CACTIN: variants seen among roughly 807,000 people sequenced by gnomAD.
CACTIN encodes the protein splicing factor Cactin.
A neutral mutation model predicts 84.9 loss-of-function variants in CACTIN; 20 were observed. The ratio of observed to expected loss-of-function variants is 0.24; its 90% CI spans 0.17 to 0.34. The LOEUF is 0.34. CACTIN is among the 10% of genes least tolerant of loss of function. The probability of loss-of-function intolerance (pLI) is 1.00; values close to 1 mark genes in which losing one functional copy is unlikely to be tolerated. For synonymous variants in CACTIN, 549 were observed against 467.9 expected (o/e 1.17, Z -2.24); for missense variants, 897 against 1,117.2 (o/e 0.80, Z 2.81).
chr19:3,621,767 G>A (rs1482393009), intron 2 of CACTIN, among the ~76,000 whole-genome samples: 1 of 152,220 alleles, frequency 6.6e-6, no homozygotes, highest in Non-Finnish European at 1.5e-5. Context: ...AAGAGGGGAT[G>A]TGTCAGTTGA....
Position 3,620,755 on chromosome 19 carries a change from C to T in CACTIN, c.690G>A (p.Lys230=), listed in dbSNP as rs1401544435. 3.7e-6 allele frequency: 6 copies of T among 1,613,504 alleles called. No individual in the cohort carries two copies. The highest frequency in any genetic ancestry group is 1.1e-5 in the South Asian group (1 of 91,088). ...CCTCCTGGATCCTCTTGTTCCGCTC[C>T]TTCAGCTCCTTCTCCTCCAGGTGGC... is the stretch of plus-strand genomic sequence containing the variant. ...GISHLEEKEL[K]ERNKRIQEDN... is the part of the protein sequence containing the mutation. Residue 230 remains lysine, a synonymous_variant, in exon 3 of 10, where the codon AAG becomes AAA. Transcript: ENST00000429344.
At chr19:3,618,763 G>A in intron 6 of CACTIN, 112 bp downstream of exon 6, 1 of 864,238 alleles carries the variant, frequency 1.2e-6, no homozygotes, top group Non-Finnish European at 1.8e-6. Context: ...GCCCCAGTTG[G>A]GGAAACCGAG....
rs764248234 is a variant in CACTIN at position 3,620,227 on chromosome 19, C to G, written c.784G>C (p.Glu262Gln). 6.3e-7 allele frequency: 1 copy of G among 1,598,954 alleles called. No individual in the cohort carries two copies. The highest frequency in any genetic ancestry group is 8.5e-7 in the Non-Finnish European group (1 of 1,175,660). Residue 262 changes from glutamate to glutamine, a missense_variant, in exon 4 of 10, where the codon GAG (glutamate) becomes CAG (glutamine). By Grantham distance (29) the Glu-to-Gln change is conservative (BLOSUM62 2). Coordinates refer to ENST00000429344, the MANE Select transcript of CACTIN (RefSeq NM_001080543.2). The stretch of plus-strand genomic sequence containing the variant: ...CGCTGCAGCATCTCCAGCTCCTGCT[C>G]GCGCATGGCCTTCTCCCGCTCCCGC... ...LEREREKAMR[E>Q]QELEMLQREK... is the part of the protein sequence containing the mutation.
chr19:3,618,295 G>A (rs776492116), intron 6 of CACTIN, among the ~76,000 whole-genome samples: 1 of 152,138 alleles, frequency 6.6e-6, no homozygotes, highest in Non-Finnish European at 1.5e-5. Flanking sequence ...GGAGGCCAGG[G>A]ACGTTGCTCA....
At position 3,613,622 on chromosome 19, in the gene CACTIN, G is replaced by A. The variant is rs770425277; in HGVS notation, c.1356-36C>T. 4 of 1,579,830 alleles carry A rather than the reference G, an allele frequency of 2.5e-6. No individual in the cohort carries two copies. In the South Asian group the frequency reaches 3.4e-5, roughly 13 times the overall value. On this transcript the variant is annotated intron_variant, in intron 7 of 9. Transcript: ENST00000429344. ...GAGCCGGGGTCACCCGCATGGAGGC[G>A]AAGGGGCTCCGCGCCCCACCCCCAC...
rs1411086242 is a variant in CACTIN, at chr19:3,612,363, C to T, written c.1837G>A (p.Gly613Ser). 6.2e-7 allele frequency: 1 copy of T among 1,607,418 alleles called. No individual in the cohort carries two copies. Among genetic ancestry groups the T allele is most frequent in the African/African-American group, 1.3e-5 (1 of 75,044 alleles). ...AACTGCGCCTCGTCCTGGCCCATGCCCTCCTTGGCCCGCCGGAAGAAGATG... is the reference window on the plus strand; with the variant it reads ...AACTGCGCCTCGTCCTGGCCCATGCTCTCCTTGGCCCGCCGGAAGAAGATG... ...EDIFFRRAKE[G>S]MGQDEAQFSV... Residue 613 changes from glycine (G) to serine (S), a missense_variant, in exon 10 of 10, where the codon GGC becomes AGC. Gly to Ser is a moderately conservative substitution (Grantham distance 56). Around this residue, in one of 8 missense-constraint regions of CACTIN, gnomAD observed 243 missense variants for 239.9 expected, o/e 1.01. Transcript: ENST00000429344.
chr19:3,623,862 C>T lies in CACTIN; in HGVS notation c.468G>A (p.Leu156=). ...CCTCGGGCGTCTCGAAGGCCTTCAT[C>T]AGCTCCTCCTGCTGCTTCCGCTCCT... ...LREERKQQEE[L]MKAFETPEEK... The change falls in exon 2 of 10, where the codon CTG becomes CTA. Residue 156 remains leucine, a synonymous_variant. Coordinates refer to ENST00000429344, the MANE Select transcript of CACTIN (RefSeq NM_001080543.2). The T allele has an allele frequency of 1.2e-6, 2 of 1,610,504 alleles. No individual in the cohort carries two copies. The highest frequency in any genetic ancestry group is 1.1e-5 in the South Asian group (1 of 91,088).
chr19:3,616,304 C>T (rs932851918), intron 6 of CACTIN: 1 of 152,250 alleles, frequency 6.6e-6, no homozygotes, highest in Non-Finnish European at 1.5e-5. Context: ...CACAAGTCAC[C>T]ACTAAAGAAC....
chr19:3,621,946 A>G (rs919636366), intron 2 of CACTIN, among the ~76,000 whole-genome samples: 1 of 152,164 alleles, frequency 6.6e-6, no homozygotes, highest in African/African-American at 2.4e-5. Context: ...GAGCAGGTGC[A>G]GTCGGCCCAG....
At position 3,624,100 on chromosome 19, in the gene CACTIN, G is replaced by A. The variant is rs2033285574; in HGVS notation, c.230C>T (p.Pro77Leu). Residue 77 changes from proline to leucine, a missense_variant, in exon 2 of 10, where the codon CCC (proline) becomes CTC (leucine). Pro to Leu is a moderately conservative substitution (Grantham distance 98). Around this residue, in one of 8 missense-constraint regions of CACTIN, gnomAD observed 261 missense variants for 243.8 expected, o/e 1.07. Coordinates refer to ENST00000429344, the MANE Select transcript of CACTIN (RefSeq NM_001080543.2). ...GGACCCATCTCTTGAGTGCCACTTG[G>A]GCCGCGGGGGGCTCCGGCTTCGCAT... Reference protein sequence around the residue: ...SGMRSRSPPRPKWHSRDGSSQ... With the variant: ...SGMRSRSPPRLKWHSRDGSSQ... The A allele has an allele frequency of 6.3e-7, 1 of 1,590,202 alleles. No individual in the cohort carries two copies. The highest frequency in any genetic ancestry group is 1.1e-5 in the South Asian group (1 of 90,816).
intron 2 of CACTIN, 107 bp downstream of exon 2, chr19:3,623,580 AC>A (rs1198660199): frequency 9.8e-7 from 1 of 1,018,992 alleles, no homozygotes; most frequent in Non-Finnish European, 1.4e-6. Context: ...TGTGTGTAAA[AC>A]CAACTCTTGC....
At chr19:3,625,545 T>G (rs1294066066) in intron 1 of CACTIN, among the ~76,000 whole-genome samples, 1 of 151,988 alleles carries the variant, frequency 6.6e-6, no homozygotes, top group Admixed American at 6.6e-5. Context: ...GCCTGGCCAA[T>G]ATGGAGAAAT....
At chr19:3,616,459 A>C (rs2033108423) in intron 6 of CACTIN, 1 of 151,900 alleles carries the variant, frequency 6.6e-6, no homozygotes, top group South Asian at 2.1e-4. Context: ...AATACAAAAA[A>C]TTAGCCAGGT....
intron 1 of CACTIN, 109 bp downstream of exon 1, chr19:3,626,487 C>A (rs757905196): frequency 1.7e-6 from 2 of 1,150,540 alleles, no homozygotes; most frequent in Non-Finnish European, 2.2e-6. Flanking sequence ...CTAGGAAGCC[C>A]TCCCCGAGTA....
At chr19:3,618,399 T>C (rs2033151358) in intron 6 of CACTIN, among the ~76,000 whole-genome samples, 1 of 151,582 alleles carries the variant, frequency 6.6e-6, no homozygotes, top group Non-Finnish European at 1.5e-5. Flanking sequence ...GCATCCCCGG[T>C]GACCATGTGT....
In CACTIN at chr19:3,624,130, G is replaced by A. The variant is rs753340469; in HGVS notation, c.200C>T (p.Ser67Leu). 37 of 1,578,522 alleles carry A rather than the reference G, an allele frequency of 2.3e-5. 1 individual carries two copies. In the South Asian group the frequency reaches 4.0e-4, roughly 17 times the overall value. The change falls in exon 2 of 10, where the codon TCA becomes TTA. Residue 67 changes from serine to leucine, a missense_variant. Physicochemically the swap from Ser to Leu is moderately radical, Grantham distance 145. Transcript: ENST00000429344. Reference protein sequence around the residue: ...SDSEEERWQRSGMRSRSPPRP... With the variant: ...SDSEEERWQRLGMRSRSPPRP... ...CGGGGGGCTCCGGCTTCGCATCCCT[G>A]AGCGCTGCCACCGCTCTTCCTCTGA...
rs763364403 is a variant in CACTIN, at chr19:3,613,289, C to T, written c.1555G>A (p.Gly519Ser). Reference sequence around the variant, plus strand: ...CCGTCGCCCTCTGTCGGGGTCGCGCCGTCCACCTCGGCCTCCGCGGGGCCG... The same window carrying T: ...CCGTCGCCCTCTGTCGGGGTCGCGCTGTCCACCTCGGCCTCCGCGGGGCCG... ...EGGPAEAEVD[G>S]ATPTEGDGDG... Residue 519 changes from glycine to serine, a missense_variant, in exon 9 of 10, where the codon GGC (glycine) becomes AGC (serine). This residue lies in a region of CACTIN where 243 missense variants were observed against 239.9 expected (regional missense o/e 1.01). Transcript: ENST00000429344. 7.5e-6 allele frequency: 12 copies of T among 1,602,062 alleles called. No homozygotes were observed. In the South Asian group the frequency reaches 1.2e-4, roughly 16 times the overall value.
Position 3,613,320 on chromosome 19 carries a change from C to T in CACTIN, c.1524G>A (p.Ser508=), listed in dbSNP as rs372789414. 138 of 1,561,966 alleles carry T rather than the reference C, an allele frequency of 8.8e-5. No individual in the cohort carries two copies. The African/African-American group carries it at 1.5e-3, about 17-fold the overall frequency. ...DAAPTPPGPS[S]EGGPAEAEVD... ...CCTCGGCCTCCGCGGGGCCGCCCTC[C>T]GAGGAGGGCCCGGGCGGGGTGGGCG... Residue 508 remains serine (S), a synonymous_variant, in exon 9 of 10, where the codon TCG becomes TCA. Coordinates refer to ENST00000429344, the MANE Select transcript of CACTIN (RefSeq NM_001080543.2).
In CACTIN at chr19:3,613,248, C is replaced by T. The variant is rs755625525; in HGVS notation, c.1596G>A (p.Glu532=). 1.2e-6 allele frequency: 2 copies of T among 1,610,292 alleles called. No homozygotes were observed. The highest frequency in any genetic ancestry group is 1.1e-5 in the South Asian group (1 of 91,042). Residue 532 remains glutamate, a synonymous_variant, in exon 9 of 10, where the codon GAG becomes GAA. Transcript: ENST00000429344. ...PTEGDGDGDG[E]GEGEGEAVLM... The stretch of plus-strand genomic sequence containing the variant: ...GCACCGCCTCGCCCTCGCCCTCGCC[C>T]TCACCGTCCCCGTCGCCGTCGCCCT...
Sources: allele counts gnomAD v4.1 joint callset (sites outside exome capture counted in the v4.1 genomes callset), GRCh38; gene constraint gnomAD v4.1.1; regional missense constraint gnomAD v4.1.1; transcripts MANE v1.5; gene names NCBI Gene and HGNC (gene_info 2026-07-23, HGNC 2026-07-21).